GTF3C2: variants seen among roughly 807,000 people sequenced by gnomAD.
GTF3C2 encodes the protein general transcription factor 3C polypeptide 2.
GTF3C2 carries 17 observed loss-of-function variants against 117.4 expected under a neutral mutation model. The observed-to-expected ratio is 0.14, with a 90% CI of 0.10 to 0.22. The LOEUF is 0.22. GTF3C2 is among the 10% of genes least tolerant of loss of function. The pLI is 1.00. For synonymous variants in GTF3C2, 437 were observed against 427.0 expected, an observed-to-expected ratio of 1.02 and a Z score of -0.29; for missense variants, 888 against 1,143.6, an observed-to-expected ratio of 0.78 and a Z score of 3.22.
chr2:27,331,990 A>G (rs947241166), intron 12 of GTF3C2, among the ~76,000 whole-genome samples: 1 of 152,286 alleles, frequency 6.6e-6, no homozygotes, highest in Middle Eastern at 3.4e-3. Flanking sequence ...TATTATTTGT[A>G]ACTTATTTAT....
exon 10 of GTF3C2, chr2:27,335,660 T>G: frequency 6.4e-7 from 1 of 1,562,580 alleles, no homozygotes; most frequent in Non-Finnish European, 8.7e-7. Flanking sequence ...TACTTTCCCG[T>G]CTGAGCAGGC....
chr2:27,341,155 C>A (rs967673015), intron 4 of GTF3C2, among the ~76,000 whole-genome samples: 1 of 152,078 alleles, frequency 6.6e-6, no homozygotes, highest in Non-Finnish European at 1.5e-5. Flanking sequence ...CCTGTCTCAG[C>A]CTCCCAAGTA....
chr2:27,338,214 G>A (rs1386842536), intron 4 of GTF3C2, 194 bp from the exon 5 acceptor site: 1 of 574,538 alleles, frequency 1.7e-6, no homozygotes, highest in Non-Finnish European at 3.1e-6. Context: ...CTCCTCCATC[G>A]AAAATGCAAA....
intron 9 of GTF3C2, 47 bp from the exon 10 acceptor site, chr2:27,335,753 A>C (rs1392081418): frequency 9.8e-6 from 13 of 1,328,108 alleles, no homozygotes; most frequent in Non-Finnish European, 1.4e-5. Context: ...CAGCTGACTC[A>C]CAGAAAACCT....
At chr2:27,349,794 A>G (rs895212703) in intron 1 of GTF3C2, among the ~76,000 whole-genome samples, 3 of 151,880 alleles carry the variant, frequency 2.0e-5, no homozygotes, top group Admixed American at 6.6e-5. Flanking sequence ...ATGTGCCACC[A>G]TGCCTGGCTA....
chr2:27,342,476 A>G, intron 3 of GTF3C2: 1 of 554,530 alleles, frequency 1.8e-6, no homozygotes, highest in Admixed American at 3.2e-5. Flanking sequence ...TCCAAGTTCA[A>G]TACATTTTTC....
intron 4 of GTF3C2, among the ~76,000 whole-genome samples, chr2:27,338,713 A>AT (rs1175587690): frequency 1.3e-5 from 2 of 149,948 alleles, no homozygotes; most frequent in South Asian, 2.1e-4. Context: ...ATTTTTTTGT[A>AT]TTTTTTTGTA....
chr2:27,354,884 C>G (rs1681275122), intron 1 of GTF3C2, among the ~76,000 whole-genome samples: 1 of 152,112 alleles, frequency 6.6e-6, no homozygotes, highest in Non-Finnish European at 1.5e-5. Flanking sequence ...AGTTAAAATA[C>G]TATTTCAAAA....
intron 12 of GTF3C2, among the ~76,000 whole-genome samples, chr2:27,332,883 T>C (rs1680328478): frequency 6.6e-6 from 1 of 151,596 alleles, no homozygotes; most frequent in Non-Finnish European, 1.5e-5. Flanking sequence ...ACCCAGCTAA[T>C]TTTTGTATTT....
intron 1 of GTF3C2, chr2:27,350,678 G>A (rs1681099288): frequency 1.2e-5 from 2 of 162,110 alleles, no homozygotes; most frequent in African/African-American, 4.8e-5. Flanking sequence ...TGGGTGCGGT[G>A]GCTCATGCCT....
At chr2:27,342,981 G>C in exon 3 of GTF3C2, 2 of 1,614,176 alleles carry the variant, frequency 1.2e-6, no homozygotes, top group Non-Finnish European at 1.7e-6. Flanking sequence ...TCTTAGGCAT[G>C]GGGGTGGACA....
chr2:27,327,631 T>TG (rs2148240098), intron 17 of GTF3C2, among the ~76,000 whole-genome samples: 1 of 144,350 alleles, frequency 6.9e-6, no homozygotes, highest in Admixed American at 6.8e-5. Flanking sequence ...GCCCTTTTTT[T>TG]TTTTTTTTTT....
chr2:27,326,966 C>CAA, intron 18 of GTF3C2, 73 bp from the exon 19 acceptor site: 40 of 715,768 alleles, frequency 5.6e-5, no homozygotes, highest in Non-Finnish European at 6.9e-5. Flanking sequence ...GCTGTATGAA[C>CAA]AAAAAAAAAA....
chr2:27,341,062 G>T (rs1222637445), intron 4 of GTF3C2, among the ~76,000 whole-genome samples: 1 of 152,056 alleles, frequency 6.6e-6, no homozygotes, highest in Non-Finnish European at 1.5e-5. Context: ...TTGAGATGGA[G>T]TCTCACTGTC....
chr2:27,335,553 T>C, intron 10 of GTF3C2, 45 bp downstream of exon 10: 1 of 1,108,210 alleles, frequency 9.0e-7, no homozygotes, highest in Non-Finnish European at 1.3e-6. Context: ...TGCTATGCTG[T>C]GACCACCACT....
exon 18 of GTF3C2, chr2:27,327,237 C>T: frequency 6.2e-7 from 1 of 1,611,346 alleles, no homozygotes; most frequent in Non-Finnish European, 8.5e-7. Flanking sequence ...CCTCTCCCTC[C>T]TGCATGCGCA....
At chr2:27,332,825 C>T (rs1680325757) in intron 12 of GTF3C2, among the ~76,000 whole-genome samples, 1 of 151,952 alleles carries the variant, frequency 6.6e-6, no homozygotes, top group Admixed American at 6.6e-5. Context: ...AAGCGATTCT[C>T]CTGCCTCAGC....
At position 27,328,827 on chromosome 2, in the gene GTF3C2, A is replaced by C. The variant is rs1480583944; in HGVS notation, c.2127+17T>G. On this transcript the variant is annotated intron_variant, in intron 15 of 18. Coordinates refer to ENST00000264720, the Ensembl canonical transcript of GTF3C2. ...TTTTCCTTTGTAATGAAGACTGCAA[A>C]AGAAAGGGGGGCTCACCCAAACGGT... 7 of 1,590,984 alleles carry C rather than the reference A, an allele frequency of 4.4e-6. No homozygotes were observed. In the Admixed American group the frequency reaches 5.0e-5, roughly 11 times the overall value.
exon 7 of GTF3C2, chr2:27,337,249 T>C: frequency 6.3e-7 from 1 of 1,589,652 alleles, no homozygotes; most frequent in South Asian, 1.1e-5. Flanking sequence ...TTCACCTGTT[T>C]ATTCGGTAGA....
Sources: allele counts gnomAD v4.1 joint callset (sites outside exome capture counted in the v4.1 genomes callset), GRCh38; gene constraint gnomAD v4.1.1; transcripts MANE v1.5; gene names NCBI Gene and HGNC (gene_info 2026-07-23, HGNC 2026-07-21).